Variants in RILPL1 observed in about 807,000 individuals in gnomAD.
RILPL1 encodes Rab interacting lysosomal protein like 1, also known as RILP-like protein 1.
RILPL1 carries 33 observed loss-of-function variants against 50.3 expected under a neutral mutation model. The observed-to-expected ratio is 0.66, with a 90% CI of 0.50 to 0.88. RILPL1 has a LOEUF of 0.88. Ranked by LOEUF, RILPL1 falls within the 40% of genes least tolerant of loss-of-function variation. The pLI, the probability that RILPL1 is intolerant of heterozygous loss-of-function variation, is 0.00. For synonymous variants in RILPL1, 205 were observed against 228.6 expected (o/e 0.90, Z 0.93); for missense variants, 418 against 542.5 (o/e 0.77, Z 2.28).
intron 4 of RILPL1, among the ~76,000 whole-genome samples, chr12:123,496,057 G>C (rs1241191324): frequency 1.3e-5 from 2 of 151,700 alleles, no homozygotes; most frequent in African/African-American, 2.4e-5. Context: ...CTGTCGCCCA[G>C]GCTGGAGTGC....
At chr12:123,527,070 C>T (rs1262373588) in intron 1 of RILPL1, among the ~76,000 whole-genome samples, 3 of 152,156 alleles carry the variant, frequency 2.0e-5, no homozygotes, top group Admixed American at 6.6e-5. Context: ...GTGGCTCATA[C>T]CTATAATCCT....
At chr12:123,502,544 C>T (rs971473053) in intron 2 of RILPL1, among the ~76,000 whole-genome samples, 7 of 152,236 alleles carry the variant, frequency 4.6e-5, no homozygotes, top group African/African-American at 9.6e-5. Flanking sequence ...CCTGGCACAC[C>T]GCAGGCGGGT....
chr12:123,497,388 C>T (rs958194235), intron 4 of RILPL1, among the ~76,000 whole-genome samples: 6 of 151,804 alleles, frequency 4.0e-5, no homozygotes, highest in South Asian at 4.2e-4. Context: ...CTAAGATTTT[C>T]TTTTTTTGTT....
chr12:123,532,089 A>G (rs1324731448), intron 1 of RILPL1, among the ~76,000 whole-genome samples: 1 of 152,158 alleles, frequency 6.6e-6, no homozygotes, highest in Non-Finnish European at 1.5e-5. Context: ...CAAAACACAG[A>G]GATCCATCAA....
At chr12:123,484,574 G>A (rs1426095622) in intron 5 of RILPL1, among the ~76,000 whole-genome samples, 2 of 151,246 alleles carry the variant, frequency 1.3e-5, no homozygotes, top group Non-Finnish European at 2.9e-5. Context: ...CAGTTCAAAT[G>A]CTGCTTCCTC....
chr12:123,497,797 C>G (rs376307470), intron 4 of RILPL1, among the ~76,000 whole-genome samples: 106 of 152,190 alleles, frequency 7.0e-4, no homozygotes, highest in African/African-American at 2.5e-3. Context: ...TTCTTGATCC[C>G]CTTGCCTCAG....
At chr12:123,510,965 GTC>G (rs1884105435) in intron 2 of RILPL1, among the ~76,000 whole-genome samples, 1 of 134,776 alleles carries the variant, frequency 7.4e-6, no homozygotes, top group East Asian at 2.3e-4. Flanking sequence ...GATGTGTGAG[GTC>G]TGTGTGTGTG....
chr12:123,511,074 TGTGA>T (rs1884122591), intron 2 of RILPL1, among the ~76,000 whole-genome samples: 1 of 139,036 alleles, frequency 7.2e-6, no homozygotes, highest in Non-Finnish European at 1.5e-5. Context: ...TCTGTGTGTG[TGTGA>T]GGTCTGTGTG....
At chr12:123,528,797 TTC>T (rs1885353399) in intron 1 of RILPL1, among the ~76,000 whole-genome samples, 1 of 152,044 alleles carries the variant, frequency 6.6e-6, no homozygotes, top group Non-Finnish European at 1.5e-5. Flanking sequence ...TTTTTTTTTC[TTC>T]TCTCAACGAA....
At chr12:123,511,681 G>A (rs1457754334) in intron 2 of RILPL1, among the ~76,000 whole-genome samples, 1 of 137,678 alleles carries the variant, frequency 7.3e-6, no homozygotes, top group East Asian at 2.1e-4. Context: ...TGTGTGTGGT[G>A]TGTGGTGTGT....
At chr12:123,531,174 T>C (rs140916722) in intron 1 of RILPL1, among the ~76,000 whole-genome samples, 2 of 150,384 alleles carry the variant, frequency 1.3e-5, no homozygotes, top group Non-Finnish European at 3.0e-5. Context: ...AGTAAACGGG[T>C]CTGGGGCTGG....
chr12:123,504,422 A>T (rs1309805752), intron 2 of RILPL1, among the ~76,000 whole-genome samples: 1 of 152,148 alleles, frequency 6.6e-6, no homozygotes, highest in Non-Finnish European at 1.5e-5. Flanking sequence ...GTGTGTTTCC[A>T]GAACAGCAGG....
chr12:123,524,746 G>A (rs1384158507), intron 1 of RILPL1, among the ~76,000 whole-genome samples: 1 of 152,194 alleles, frequency 6.6e-6, no homozygotes, highest in East Asian at 1.9e-4. Flanking sequence ...GGAAGCAGAC[G>A]GGTGGTTGTC....
At position 123,485,006 on chromosome 12, in the gene RILPL1, A is replaced by C; in HGVS notation, c.974+627T>G. 1 of 387,460 alleles carries C rather than the reference A, an allele frequency of 2.6e-6. No individual in the cohort carries two copies. The highest frequency in any genetic ancestry group is 1.8e-5 in the South Asian group (1 of 54,128). The allele number at this position is 387,460 out of a possible 1,614,324, so 24.0% of individuals were successfully genotyped here. A position where few individuals can be genotyped will look rare whatever the true frequency, so the allele number is the denominator to read the frequency against. On this transcript the variant is annotated intron_variant, in intron 5 of 6. Transcript: ENST00000376874. This position sits in a 1 kb window ranked among gnomAD's most constrained non-coding sequence, Gnocchi z 4.0. ...TATACAGTCAGTAAACCTTTCAATA[A>C]AAATGTGTGGTATTATATTTTTTAT...
intron 6 of RILPL1, among the ~76,000 whole-genome samples, chr12:123,477,987 CTTTTTTTTTTTTTTTTT>C (rs56296800): frequency 2.4e-5 from 1 of 41,142 alleles, no homozygotes; most frequent in South Asian, 1.6e-3. Flanking sequence ...ATCTGTATGT[CTTTTTTTTTTTTTTTTT>C]TTTTTTTTTT....
chr12:123,528,358 C>CAAAA (rs35456386), intron 1 of RILPL1, among the ~76,000 whole-genome samples: 3 of 130,334 alleles, frequency 2.3e-5, no homozygotes, highest in Admixed American at 7.7e-5. Flanking sequence ...GATGCTGTCT[C>CAAAA]AAAAAAAAAA....
At chr12:123,494,209 C>T (rs1882884857) in intron 4 of RILPL1, among the ~76,000 whole-genome samples, 1 of 152,208 alleles carries the variant, frequency 6.6e-6, no homozygotes, top group Non-Finnish European at 1.5e-5. Flanking sequence ...ACGAAATTGA[C>T]CACCAAAGAG....
chr12:123,512,805 G>C (rs1884434195), intron 2 of RILPL1, among the ~76,000 whole-genome samples: 1 of 133,536 alleles, frequency 7.5e-6, no homozygotes, highest in Non-Finnish European at 1.6e-5. Flanking sequence ...GTGTGTGTGT[G>C]GTGTGAGATC....
intron 4 of RILPL1, among the ~76,000 whole-genome samples, chr12:123,493,291 C>G (rs887657342): frequency 3.9e-5 from 6 of 152,190 alleles, no homozygotes; most frequent in African/African-American, 1.4e-4. Context: ...TTTACCTTGT[C>G]TATGATGCAA....
Sources: gnomAD v4.1 joint callset for allele counts (sites outside exome capture counted in the v4.1 genomes callset) on GRCh38, gnomAD v4.1.1 for gene constraint, Gnocchi (gnomAD v3.1) non-coding constraint, MANE v1.5 for transcripts, NCBI Gene and HGNC (gene_info 2026-07-23, HGNC 2026-07-21) for gene names.